The following PSD3 variants were observed in gnomAD, a reference collection of about 807,000 sequenced individuals.
The protein encoded by PSD3 is PH and SEC7 domain-containing protein 3.
In PSD3, 49 loss-of-function variants were observed where a neutral mutation model predicts 105.5. That is an observed-to-expected ratio of 0.46 (90% CI 0.37 to 0.59). The LOEUF is 0.59. Among genes scored for constraint, PSD3 ranks in the 20% least tolerant of loss-of-function variants. The probability of loss-of-function intolerance (pLI) is 0.00; values close to 1 mark genes in which losing one functional copy is unlikely to be tolerated. For synonymous variants in PSD3, 557 were observed against 457.8 expected (o/e 1.22, Z -2.77); for missense variants, 1,561 against 1,263.8 (o/e 1.24, Z -3.57).
chr8:18,921,215 T>C (rs1455793421), intron 2 of PSD3, among the ~76,000 whole-genome samples: 1 of 152,258 alleles, frequency 6.6e-6, no homozygotes, highest in Admixed American at 6.5e-5. Flanking sequence ...TCCTAAGCAG[T>C]TCAGCTCTGC....
Position 18,659,828 on chromosome 8 carries a change from T to C in PSD3, c.2173-4143A>G, listed in dbSNP as rs538998309. ...ATGAGAATGGCTAAAACTGGAGGCA[T>C]AGTCTATGGCTCAGAAAAACAACTT... On this transcript the variant is annotated intron_variant, in intron 9 of 15. Transcript: ENST00000327040. Among the ~76,000 whole-genome samples the C allele has an allele frequency of 1.2e-4, 18 of 152,296 alleles. No individual in the cohort carries two copies. In the East Asian group the frequency reaches 3.5e-3, roughly 29 times the overall value.
chr8:18,678,304 T>C (rs115750250), intron 9 of PSD3, among the ~76,000 whole-genome samples: 1 of 152,196 alleles, frequency 6.6e-6, no homozygotes, highest in Non-Finnish European at 1.5e-5. Context: ...GGGAGCTCAT[T>C]AGACTGAGGT....
chr8:18,673,138 G>C (rs957375500), intron 9 of PSD3, among the ~76,000 whole-genome samples: 6 of 151,492 alleles, frequency 4.0e-5, no homozygotes, highest in Non-Finnish European at 8.8e-5. Context: ...ATGATCTATT[G>C]ACTTTCAACT....
chr8:18,890,469 A>G (rs967616913), intron 2 of PSD3, among the ~76,000 whole-genome samples: 2 of 152,144 alleles, frequency 1.3e-5, no homozygotes, highest in African/African-American at 4.8e-5. Flanking sequence ...GAGAGGTGAA[A>G]AGCCAAAACC....
intron 11 of PSD3, among the ~76,000 whole-genome samples, chr8:18,618,189 A>G (rs1253135862): frequency 7.1e-6 from 1 of 140,898 alleles, no homozygotes; most frequent in Non-Finnish European, 1.7e-5. Context: ...CAATCAGGAA[A>G]TCTTTCAATC....
intron 1 of PSD3, among the ~76,000 whole-genome samples, chr8:19,072,121 TGA>T (rs1829288121): frequency 1.2e-5 from 1 of 82,672 alleles, no homozygotes; most frequent in Non-Finnish European, 2.7e-5. Flanking sequence ...TTTTTTTTTG[TGA>T]CGGAGTCTCC....
intron 9 of PSD3, among the ~76,000 whole-genome samples, chr8:18,681,655 G>T (rs1479843052): frequency 6.6e-6 from 1 of 151,856 alleles, no homozygotes; most frequent in Non-Finnish European, 1.5e-5. Context: ...GTAATTTAGG[G>T]TACAAGCCTG....
chr8:18,702,102 C>A (rs552282831), intron 9 of PSD3, among the ~76,000 whole-genome samples: 61 of 152,330 alleles, frequency 4.0e-4, no homozygotes, highest in African/African-American at 1.3e-3. Flanking sequence ...GATACTCCGA[C>A]TGATATTTAC....
intron 9 of PSD3, among the ~76,000 whole-genome samples, chr8:18,709,304 T>C (rs1339694011): frequency 3.3e-5 from 5 of 152,148 alleles, no homozygotes; most frequent in Non-Finnish European, 1.5e-5. Context: ...CCACATGAAT[T>C]CCAGCAACTC....
intron 4 of PSD3, among the ~76,000 whole-genome samples, chr8:18,835,909 G>A (rs1471667338): frequency 1.3e-5 from 2 of 152,130 alleles, no homozygotes; most frequent in Non-Finnish European, 2.9e-5. Flanking sequence ...GGGACTTGGA[G>A]GTCATGGTAA....
chr8:18,977,165 C>T (rs1463790929), intron 1 of PSD3, among the ~76,000 whole-genome samples: 2 of 148,178 alleles, frequency 1.3e-5, no homozygotes, highest in East Asian at 2.0e-4. Context: ...GAGGCTGAGG[C>T]AGGAGAATCG....
chr8:18,925,907 A>T (rs184700386), intron 2 of PSD3, among the ~76,000 whole-genome samples: 1 of 152,274 alleles, frequency 6.6e-6, no homozygotes, highest in Admixed American at 6.5e-5. Context: ...TTATCTTTTT[A>T]AAAAAATTTT....
At chr8:18,573,001 C>G (rs375823153) in intron 13 of PSD3, among the ~76,000 whole-genome samples, 1 of 152,160 alleles carries the variant, frequency 6.6e-6, no homozygotes, top group Non-Finnish European at 1.5e-5. Context: ...ATTTACTCAT[C>G]TCTTCTAATT....
intron 9 of PSD3, among the ~76,000 whole-genome samples, chr8:18,686,886 C>A (rs1800689979): frequency 6.6e-6 from 1 of 152,188 alleles, no homozygotes; most frequent in East Asian, 1.9e-4. Context: ...GCTGGCTTCT[C>A]CTCATTCAGC....
chr8:18,854,625 A>G (rs1452109228), intron 4 of PSD3, among the ~76,000 whole-genome samples: 1 of 152,240 alleles, frequency 6.6e-6, no homozygotes, highest in African/African-American at 2.4e-5. Context: ...ATAGACTGCA[A>G]TTTCCTACAG....
At chr8:18,826,685 G>A (rs1347403149) in intron 4 of PSD3, among the ~76,000 whole-genome samples, 4 of 152,186 alleles carry the variant, frequency 2.6e-5, no homozygotes, top group Non-Finnish European at 5.9e-5. Context: ...CATAAGTTTG[G>A]CAAAGGCCCT....
chr8:18,936,724 C>T (rs1216078150), intron 1 of PSD3, among the ~76,000 whole-genome samples: 1 of 150,942 alleles, frequency 6.6e-6, no homozygotes, highest in Non-Finnish European at 1.5e-5. Flanking sequence ...TGCCACTGCA[C>T]TCCAGCCTGG....
At chr8:18,591,775 C>T (rs560181853) in intron 12 of PSD3, among the ~76,000 whole-genome samples, 1 of 152,152 alleles carries the variant, frequency 6.6e-6, no homozygotes, top group African/African-American at 2.4e-5. Flanking sequence ...GAACTGATGG[C>T]ATACACTTGG....
At chr8:18,961,474 A>C (rs1460503821) in intron 1 of PSD3, among the ~76,000 whole-genome samples, 2 of 152,194 alleles carry the variant, frequency 1.3e-5, no homozygotes, top group East Asian at 3.9e-4. Context: ...GGATCATCTA[A>C]GGTCAGGAGT....
Sources: gnomAD v4.1 joint callset for allele counts (sites outside exome capture counted in the v4.1 genomes callset) on GRCh38, gnomAD v4.1.1 for gene constraint, MANE v1.5 for transcripts, NCBI Gene and HGNC (gene_info 2026-07-23, HGNC 2026-07-21) for gene names.